LAP3: variants seen among roughly 807,000 people sequenced by gnomAD.
The protein encoded by LAP3 is cytosol aminopeptidase.
A neutral mutation model predicts 58.8 loss-of-function variants in LAP3; 46 were observed. The ratio of observed to expected loss-of-function variants is 0.78; its 90% CI spans 0.62 to 1.00. The LOEUF (loss-of-function observed/expected upper bound fraction) is 1.00. Ranked by LOEUF, LAP3 falls within the 50% of genes least tolerant of loss-of-function variation. LAP3 has a pLI of 0.00. For missense variants in LAP3, 615 were observed against 659.1 expected, an observed-to-expected ratio of 0.93 and a Z score of 0.73; for synonymous variants, 257 against 237.7, an observed-to-expected ratio of 1.08 and a Z score of -0.75.
intron 7 of LAP3, among the ~76,000 whole-genome samples, chr4:17,590,924 T>A (rs1245108284): frequency 1.3e-4 from 2 of 15,640 alleles, no homozygotes; most frequent in East Asian, 0.014. Context: ...AAAGTTAAAC[T>A]TTTTTTTTTT....
At chr4:17,589,913 C>T (rs1177012323) in intron 7 of LAP3, among the ~76,000 whole-genome samples, 2 of 152,312 alleles carry the variant, frequency 1.3e-5, no homozygotes, top group Admixed American at 1.3e-4. Context: ...ACCAGTCTAG[C>T]TCCCATTAAT....
At chr4:17,593,390 C>T (rs760207328) in intron 7 of LAP3, among the ~76,000 whole-genome samples, 1 of 151,898 alleles carries the variant, frequency 6.6e-6, no homozygotes, top group Non-Finnish European at 1.5e-5. Flanking sequence ...ACTAGACTAC[C>T]TTGGCACCTC....
intron 10 of LAP3, among the ~76,000 whole-genome samples, chr4:17,603,173 G>A (rs1411026959): frequency 6.6e-6 from 1 of 151,604 alleles, no homozygotes; most frequent in African/African-American, 2.4e-5. Context: ...ACCAGGTGTG[G>A]TGGCATGTGC....
chr4:17,582,364 G>A lies in LAP3; in HGVS notation c.350G>A (p.Gly117Asp), dbSNP rs1371705005. Reference sequence around the variant, plus strand: ...GACGAACAGGAAAACTGGCATGAAGGCAAAGAAAACATCAGAGCTGCTGTT... The same window carrying A: ...GACGAACAGGAAAACTGGCATGAAGACAAAGAAAACATCAGAGCTGCTGTT... The part of the protein sequence containing the change: ...GIDEQENWHE[G>D]KENIRAAVAA... The change falls in exon 4 of 13, where the codon GGC (glycine) becomes GAC (aspartate). Residue 117 changes from glycine (G) to aspartate (D), a missense_variant. Transcript: ENST00000226299. The A allele has an allele frequency of 1.9e-6, 3 of 1,613,866 alleles. No individual in the cohort carries two copies. The highest frequency in any genetic ancestry group is 2.5e-6 in the Non-Finnish European group (3 of 1,179,962).
At chr4:17,577,689 T>C in intron 1 of LAP3, 122 bp downstream of exon 1, 2 of 731,362 alleles carry the variant, frequency 2.7e-6, no homozygotes, top group Non-Finnish European at 4.4e-6. Context: ...AAAATCAGTT[T>C]AAAAGAAAAA....
intron 7 of LAP3, among the ~76,000 whole-genome samples, chr4:17,595,153 G>A (rs924616592): frequency 1.3e-5 from 2 of 149,372 alleles, no homozygotes; most frequent in Non-Finnish European, 3.0e-5. Flanking sequence ...AAAAAAATTA[G>A]CCAGGCATGG....
At chr4:17,602,050 C>A (rs1199020638) in intron 10 of LAP3, among the ~76,000 whole-genome samples, 1 of 152,188 alleles carries the variant, frequency 6.6e-6, no homozygotes, top group African/African-American at 2.4e-5. Context: ...GCAACTTGGA[C>A]ATACTTTGCA....
chr4:17,594,879 G>A (rs937537455), intron 7 of LAP3, among the ~76,000 whole-genome samples: 3 of 152,100 alleles, frequency 2.0e-5, no homozygotes, highest in Non-Finnish European at 2.9e-5. Context: ...CATAAAATTT[G>A]CTGAATAGAC....
At chr4:17,584,400 C>T (rs926725750) in intron 5 of LAP3, among the ~76,000 whole-genome samples, 10 of 152,236 alleles carry the variant, frequency 6.6e-5, no homozygotes, top group African/African-American at 1.7e-4. Flanking sequence ...TACTCACCCA[C>T]CTCTGTGCTG....
At position 17,607,697 on chromosome 4, in the gene LAP3, T is replaced by A; in HGVS notation, c.*108T>A. The A allele has an allele frequency of 2.4e-6, 2 of 845,414 alleles. No individual in the cohort carries two copies. The highest frequency in any genetic ancestry group is 5.5e-5 in the East Asian group (2 of 36,496). 52.4% of individuals were successfully genotyped at this position (845,414 alleles called of 1,614,324 possible). ...TTTTAACGGAGACAAAGGATGGTAT[T>A]TAAAAATGTAGAACACAATGAAATT... On this transcript the variant is annotated 3_prime_UTR_variant, in exon 13 of 13. Coordinates refer to ENST00000226299, the MANE Select transcript of LAP3 (RefSeq NM_015907.3).
At chr4:17,597,743 A>G (rs996745056) in intron 9 of LAP3, among the ~76,000 whole-genome samples, 12 of 152,306 alleles carry the variant, frequency 7.9e-5, no homozygotes, top group African/African-American at 2.6e-4. Context: ...ATTGTGGGCT[A>G]TCTTCTGGAT....
intron 7 of LAP3, among the ~76,000 whole-genome samples, chr4:17,590,806 G>A (rs982234127): frequency 2.0e-5 from 3 of 151,768 alleles, no homozygotes; most frequent in African/African-American, 4.8e-5. Flanking sequence ...TCCTGACCTC[G>A]TCATCTGCCC....
intron 10 of LAP3, among the ~76,000 whole-genome samples, chr4:17,599,835 C>T (rs1344374676): frequency 2.0e-5 from 3 of 152,040 alleles, no homozygotes; most frequent in African/African-American, 7.2e-5. Context: ...AGGCCAGGCT[C>T]AGGTGGAACT....
intron 10 of LAP3, 80 bp from the exon 11 acceptor site, chr4:17,604,508 C>T (rs1314773357): frequency 4.2e-6 from 4 of 946,198 alleles, no homozygotes; most frequent in Non-Finnish European, 7.0e-6. Context: ...AGGGTACATG[C>T]TAAGGTTTCC....
In LAP3 at chr4:17,579,864, A is replaced by G. The variant is rs1713305716; in HGVS notation, c.143A>G (p.Asp48Gly). 2 of 1,610,562 alleles carry G rather than the reference A, an allele frequency of 1.2e-6. No individual in the cohort carries two copies. The highest frequency in any genetic ancestry group is 1.7e-6 in the Non-Finnish European group (2 of 1,178,252). ...ATCTATTCCAAAGAAAAAGAAGATGATGTGCCACAGTTCACAAGTGCAGGA... is the reference window on the plus strand; with the variant it reads ...ATCTATTCCAAAGAAAAAGAAGATGGTGTGCCACAGTTCACAAGTGCAGGA... Reference protein sequence around the residue: ...LGIYSKEKEDDVPQFTSAGEN... With the variant: ...LGIYSKEKEDGVPQFTSAGEN... Residue 48 changes from aspartate to glycine, a missense_variant, in exon 2 of 13, where the codon GAT (aspartate) becomes GGT (glycine). Asp to Gly is a moderately conservative substitution (Grantham distance 94, BLOSUM62 -1). Coordinates refer to ENST00000226299, the MANE Select transcript of LAP3 (RefSeq NM_015907.3).
At chr4:17,586,993 C>G (rs1243189233) in intron 6 of LAP3, among the ~76,000 whole-genome samples, 1 of 152,138 alleles carries the variant, frequency 6.6e-6, no homozygotes, top group Non-Finnish European at 1.5e-5. Context: ...GTGATCCCAG[C>G]TACTCGGGAA....
chr4:17,586,663 C>A (rs1713524320), intron 6 of LAP3, among the ~76,000 whole-genome samples: 1 of 152,014 alleles, frequency 6.6e-6, no homozygotes, highest in Non-Finnish European at 1.5e-5. Flanking sequence ...GGGGGACTGC[C>A]AAAGAATATG....
chr4:17,600,660 C>G (rs1269694138), intron 10 of LAP3, among the ~76,000 whole-genome samples: 1 of 152,172 alleles, frequency 6.6e-6, no homozygotes, highest in Non-Finnish European at 1.5e-5. Flanking sequence ...GGTGAGCTTT[C>G]AGACCACACC....
At position 17,602,629 on chromosome 4, in the gene LAP3, C is replaced by T. The variant is rs77951822; in HGVS notation, c.1181-1959C>T. 1.8e-4 allele frequency among the ~76,000 whole-genome samples: 27 copies of T among 152,230 alleles called. No homozygotes were observed. In the East Asian group the frequency reaches 4.7e-3, roughly 26 times the overall value. ...TTCCTTAAATTATGATATCTCCATC[C>T]AGTGGACTATTTTTACATCATTAAA... On this transcript the variant is annotated intron_variant, in intron 10 of 12. Transcript: ENST00000226299.
Sources: gnomAD v4.1 joint callset for allele counts (sites outside exome capture counted in the v4.1 genomes callset) on GRCh38, gnomAD v4.1.1 for gene constraint, MANE v1.5 for transcripts, NCBI Gene and HGNC (gene_info 2026-07-23, HGNC 2026-07-21) for gene names.